Variants in SHISA9 observed in about 807,000 individuals in gnomAD.
SHISA9 encodes protein shisa-9.
SHISA9 carries 13 observed loss-of-function variants against 38.0 expected under a neutral mutation model. The ratio of observed to expected loss-of-function variants is 0.34; its 90% CI spans 0.22 to 0.54. The LOEUF (loss-of-function observed/expected upper bound fraction) is 0.54. SHISA9 is among the 20% of genes least tolerant of loss of function. SHISA9 has a pLI of 0.91. For synonymous variants in SHISA9, 275 were observed against 242.0 expected (o/e 1.14, Z -1.27); for missense variants, 538 against 575.8 (o/e 0.93, Z 0.67).
chr16:13,400,240 G>A, the SHISA9 span, among the ~76,000 whole-genome samples: 7 of 152,218 alleles, frequency 4.6e-5, no homozygotes, highest in South Asian at 4.2e-4. Context: ...TGAGGCATGC[G>A]TTCTAGACAG....
chr16:12,956,205 G>T (rs1239701537), intron 2 of SHISA9, among the ~76,000 whole-genome samples: 1 of 74,194 alleles, frequency 1.3e-5, no homozygotes, highest in Non-Finnish European at 3.2e-5. Context: ...TGTCAGAATG[G>T]CTATTACTAA....
the SHISA9 span, among the ~76,000 whole-genome samples, chr16:13,397,730 G>A: frequency 6.6e-6 from 1 of 152,218 alleles, no homozygotes; most frequent in East Asian, 1.9e-4. Context: ...CACTGTGCCC[G>A]GCCACAGTGT....
At chr16:13,528,095 C>CG in the SHISA9 span, among the ~76,000 whole-genome samples, 1 of 152,078 alleles carries the variant, frequency 6.6e-6, no homozygotes, top group Non-Finnish European at 1.5e-5. Flanking sequence ...CCTGGCACTT[C>CG]GGGGGGCCTC....
intron 4 of SHISA9, among the ~76,000 whole-genome samples, chr16:13,231,349 G>T (rs1214471708): frequency 6.6e-6 from 1 of 152,218 alleles, no homozygotes; most frequent in Non-Finnish European, 1.5e-5. Context: ...TATAAATTTT[G>T]ATGTCGAAGG....
chr16:13,160,822 G>A (rs1481293254), intron 2 of SHISA9, among the ~76,000 whole-genome samples: 1 of 152,196 alleles, frequency 6.6e-6, no homozygotes, highest in Admixed American at 6.5e-5. Flanking sequence ...AAGCGGTGAT[G>A]TTGCCCTGGA....
the SHISA9 span, among the ~76,000 whole-genome samples, chr16:13,544,336 G>C: frequency 6.7e-6 from 1 of 148,438 alleles, no homozygotes; most frequent in African/African-American, 2.5e-5. Context: ...TTAATTCATG[G>C]TACAACCAGA....
chr16:13,223,819 T>C (rs1261080051), intron 4 of SHISA9, among the ~76,000 whole-genome samples: 1 of 152,194 alleles, frequency 6.6e-6, no homozygotes, highest in African/African-American at 2.4e-5. Flanking sequence ...TTCCCCTTTA[T>C]AAATATTGTC....
Position 13,071,545 on chromosome 16 carries a change from C to T in SHISA9, c.692-131849C>T, listed in dbSNP as rs2073514191. Among the ~76,000 whole-genome samples, 3 of 151,904 alleles carry T rather than the reference C, an allele frequency of 2.0e-5. No homozygotes were observed. In the South Asian group the frequency reaches 6.2e-4, roughly 32 times the overall value. On this transcript the variant is annotated intron_variant, in intron 2 of 4. Transcript: ENST00000558583. Reference sequence around the variant, plus strand: ...CTTTCCTTTCCTTTCTTTCCCCTCCCTCCATTCCCTTTTTCCTTCCTTCCT... The same window carrying T: ...CTTTCCTTTCCTTTCTTTCCCCTCCTTCCATTCCCTTTTTCCTTCCTTCCT...
At chr16:13,313,604 T>C in the SHISA9 span, among the ~76,000 whole-genome samples, 1 of 152,200 alleles carries the variant, frequency 6.6e-6, no homozygotes, top group Non-Finnish European at 1.5e-5. Flanking sequence ...GGGAGGGAAC[T>C]ATTGCATTTC....
intron 2 of SHISA9, among the ~76,000 whole-genome samples, chr16:13,013,603 G>A (rs909092387): frequency 6.6e-6 from 1 of 152,120 alleles, no homozygotes; most frequent in African/African-American, 2.4e-5. Flanking sequence ...CTGTAGGAAG[G>A]GTGTCTCCTA....
intron 2 of SHISA9, among the ~76,000 whole-genome samples, chr16:13,127,066 G>A (rs2050265327): frequency 6.9e-6 from 1 of 145,682 alleles, no homozygotes; most frequent in Admixed American, 6.9e-5. Context: ...GGGAAGGAGA[G>A]AGAGAGGGAG....
chr16:13,456,916 A>AG, the SHISA9 span, among the ~76,000 whole-genome samples: 82,830 of 152,054 alleles, frequency 0.54, 23,396 homozygotes, highest in East Asian at 0.9. Flanking sequence ...ATAACACAAA[A>AG]CTTCAGGTTT....
chr16:13,399,622 C>G, the SHISA9 span, among the ~76,000 whole-genome samples: 2 of 152,182 alleles, frequency 1.3e-5, no homozygotes, highest in Admixed American at 1.3e-4. Flanking sequence ...GGGTCCGTGG[C>G]TTTCTTGCAT....
the SHISA9 span, among the ~76,000 whole-genome samples, chr16:13,552,931 C>T: frequency 6.6e-6 from 1 of 151,818 alleles, no homozygotes; most frequent in African/African-American, 2.4e-5. Context: ...CAACCACAGG[C>T]GCTATTGATC....
the SHISA9 span, among the ~76,000 whole-genome samples, chr16:13,526,894 G>A: frequency 1.3e-5 from 2 of 152,124 alleles, no homozygotes; most frequent in African/African-American, 4.8e-5. Flanking sequence ...TTTAAAGGAA[G>A]GAGAAAAAGT....
chr16:13,531,015 A>AT, the SHISA9 span, among the ~76,000 whole-genome samples: 1 of 152,354 alleles, frequency 6.6e-6, no homozygotes, highest in Middle Eastern at 3.4e-3. Context: ...TAAAGCCAAC[A>AT]GTGAGTAAAG....
intron 2 of SHISA9, among the ~76,000 whole-genome samples, chr16:13,129,800 C>T (rs2050291930): frequency 6.6e-6 from 1 of 152,082 alleles, no homozygotes; most frequent in Admixed American, 6.6e-5. Flanking sequence ...ACCATCCTTT[C>T]TCCTATTTAC....
chr16:13,125,446 G>A (rs1254173408), intron 2 of SHISA9, among the ~76,000 whole-genome samples: 2 of 152,128 alleles, frequency 1.3e-5, no homozygotes, highest in African/African-American at 2.4e-5. Flanking sequence ...ACCTCTTTGA[G>A]TCTCTACTTC....
chr16:13,524,448 G>A, the SHISA9 span, among the ~76,000 whole-genome samples: 1 of 152,210 alleles, frequency 6.6e-6, no homozygotes, highest in South Asian at 2.1e-4. Context: ...TTTCAAGACT[G>A]CTTTCAGCCT....
Sources: allele counts gnomAD v4.1 joint callset (sites outside exome capture counted in the v4.1 genomes callset), GRCh38; gene constraint gnomAD v4.1.1; transcripts MANE v1.5; gene names NCBI Gene and HGNC (gene_info 2026-07-23, HGNC 2026-07-21).